Variants in DDX19A observed in about 807,000 individuals in gnomAD.
DDX19A encodes ATP-dependent RNA helicase DDX19A.
In DDX19A, 12 loss-of-function variants were observed where a neutral mutation model predicts 60.6. That is an observed-to-expected ratio of 0.20 (90% CI 0.13 to 0.32). The LOEUF is 0.32. Ranked by LOEUF, DDX19A falls within the 10% of genes least tolerant of loss-of-function variation. The probability of loss-of-function intolerance (pLI) is 1.00; values close to 1 mark genes in which losing one functional copy is unlikely to be tolerated. For synonymous variants in DDX19A, 206 were observed against 218.2 expected, an observed-to-expected ratio of 0.94 and a Z score of 0.49; for missense variants, 337 against 600.6, an observed-to-expected ratio of 0.56 and a Z score of 4.59.
intron 4 of DDX19A, among the ~76,000 whole-genome samples, chr16:70,357,384 T>G (rs1157913319): frequency 8.5e-5 from 8 of 94,022 alleles, no homozygotes; most frequent in East Asian, 3.5e-4. Flanking sequence ...TTTTTTTTTT[T>G]TTTTTTTTTT....
At chr16:70,349,133 A>G (rs181899924) in intron 1 of DDX19A, among the ~76,000 whole-genome samples, 2 of 152,226 alleles carry the variant, frequency 1.3e-5, no homozygotes, top group African/African-American at 4.8e-5. Context: ...AAAGATACAA[A>G]GCAAAATTAG....
rs1463271862 is a variant in DDX19A, at chr16:70,370,310, C to A, written c.1108C>A (p.Gln370Lys). ...GCTGAGTGGGGAGATGATGGTGGAG[C>A]AGAGGGCTGCGGTGATTGAGCGCTT... ...ALLSGEMMVE[Q>K]RAAVIERFRE... is the part of the protein sequence containing the mutation. Residue 370 changes from glutamine to lysine, a missense_variant, in exon 10 of 12, where the codon CAG (glutamine) becomes AAG (lysine). Around this residue, in one of 6 missense-constraint regions of DDX19A, gnomAD observed 117 missense variants for 274.3 expected, o/e 0.43. Transcript: ENST00000302243. 1 of 1,613,954 alleles carries A rather than the reference C, an allele frequency of 6.2e-7. No individual in the cohort carries two copies. Among genetic ancestry groups the A allele is most frequent in the African/African-American group, 1.3e-5 (1 of 74,906 alleles).
At chr16:70,369,926 C>T (rs547493270) in intron 9 of DDX19A, among the ~76,000 whole-genome samples, 122 of 152,110 alleles carry the variant, frequency 8.0e-4, no homozygotes, top group African/African-American at 2.9e-3. Context: ...CAAATATTTT[C>T]GTAAGATTAC....
chr16:70,352,287 T>TG (rs1194364633), intron 2 of DDX19A, among the ~76,000 whole-genome samples: 3 of 150,472 alleles, frequency 2.0e-5, no homozygotes, highest in African/African-American at 7.3e-5. Context: ...CCATGTCTTT[T>TG]TTTTTTTTTT....
intron 1 of DDX19A, 22 bp downstream of exon 1, chr16:70,347,070 G>T: frequency 6.2e-7 from 1 of 1,606,358 alleles, no homozygotes. Flanking sequence ...AGCTCCTGGC[G>T]AGGAGGACGT....
intron 9 of DDX19A, among the ~76,000 whole-genome samples, chr16:70,368,562 C>T (rs544338450): frequency 2.6e-5 from 4 of 151,542 alleles, no homozygotes; most frequent in South Asian, 2.1e-4. Flanking sequence ...TGAGCCACTG[C>T]GCCTGACGCC....
chr16:70,370,223 A>G lies in DDX19A; in HGVS notation c.1021A>G (p.Thr341Ala), dbSNP rs1964641187. Residue 341 changes from threonine (T) to alanine (A), a missense_variant and splice_region_variant, in exon 10 of 12, where the codon ACT becomes GCT. Thr to Ala is a moderately conservative substitution (Grantham distance 58). Transcript: ENST00000302243. ...TTCTCAATTGTTTTTTTTCTTCCAG[A>G]CTCGCAAAACAGCTAGTTGGCTGGC... ...TIAQAMIFCHTRKTASWLAAE... is the reference protein window; with the variant it reads ...TIAQAMIFCHARKTASWLAAE... 1 of 1,602,092 alleles carries G rather than the reference A, an allele frequency of 6.2e-7. No individual in the cohort carries two copies. Among genetic ancestry groups the G allele is most frequent in the Non-Finnish European group, 8.5e-7 (1 of 1,177,148 alleles).
intron 4 of DDX19A, 79 bp from the exon 5 acceptor site, chr16:70,361,339 A>G (rs530818423): frequency 9.3e-6 from 10 of 1,076,640 alleles, no homozygotes; most frequent in South Asian, 6.4e-5. Context: ...ATTCCTTTCT[A>G]TAGAAAAAGA....
At chr16:70,365,985 A>G in intron 7 of DDX19A, 100 bp from the exon 8 acceptor site, 2 of 1,567,358 alleles carry the variant, frequency 1.3e-6, no homozygotes, top group South Asian at 1.1e-5. Flanking sequence ...AAATCTGGAA[A>G]TAACTTGTTC....
At chr16:70,361,055 T>C (rs1276639211) in intron 4 of DDX19A, among the ~76,000 whole-genome samples, 1 of 152,190 alleles carries the variant, frequency 6.6e-6, no homozygotes, top group Non-Finnish European at 1.5e-5. Flanking sequence ...TTTTTAGATA[T>C]ATCTTTTATA....
At position 70,369,429 on chromosome 16, in the gene DDX19A, C is replaced by T. The variant is rs546520400; in HGVS notation, c.1021-794C>T. ...TCCTGACCTCGCGATCGGCCCACCT[C>T]GGCCTCCCGAAGTGCTGGGATTACA... is the stretch of plus-strand genomic sequence containing the variant. On this transcript the variant is annotated intron_variant, in intron 9 of 11. Coordinates refer to ENST00000302243, the MANE Select transcript of DDX19A (RefSeq NM_018332.5). Among the ~76,000 whole-genome samples the T allele has an allele frequency of 2.8e-4, 42 of 151,682 alleles. No individual in the cohort carries two copies. In the East Asian group the frequency reaches 3.7e-3, roughly 13 times the overall value.
intron 1 of DDX19A, among the ~76,000 whole-genome samples, chr16:70,350,282 T>A (rs950128995): frequency 6.6e-6 from 1 of 152,060 alleles, no homozygotes; most frequent in African/African-American, 2.4e-5. Context: ...AGAACTTGAG[T>A]TGGGAGATGA....
intron 7 of DDX19A, 134 bp downstream of exon 7, chr16:70,365,265 A>G: frequency 1.8e-6 from 1 of 550,006 alleles, no homozygotes; most frequent in Non-Finnish European, 3.3e-6. Context: ...CTCTATTTGA[A>G]TCTATTTGAA....
intron 5 of DDX19A, among the ~76,000 whole-genome samples, chr16:70,361,815 T>A (rs984729813): frequency 6.6e-6 from 1 of 152,016 alleles, no homozygotes; most frequent in Admixed American, 6.6e-5. Flanking sequence ...GGCGGGCGGA[T>A]CACCTGAGGT....
intron 2 of DDX19A, among the ~76,000 whole-genome samples, chr16:70,351,514 A>ATTAT (rs1446251053): frequency 4.7e-5 from 7 of 149,930 alleles, no homozygotes; most frequent in African/African-American, 1.5e-4. Context: ...GCCTAATTTT[A>ATTAT]TTATTTATTT....
At chr16:70,367,276 A>T (rs927427918) in intron 9 of DDX19A, among the ~76,000 whole-genome samples, 3 of 152,030 alleles carry the variant, frequency 2.0e-5, no homozygotes, top group Non-Finnish European at 4.4e-5. Context: ...AAAGTACAAA[A>T]AATTAGCGCG....
At chr16:70,367,021 C>T (rs1179436301) in intron 9 of DDX19A, among the ~76,000 whole-genome samples, 160 bp downstream of exon 9, 1 of 152,078 alleles carries the variant, frequency 6.6e-6, no homozygotes, top group Non-Finnish European at 1.5e-5. Flanking sequence ...ATGGTAGTAT[C>T]CCAAGGGATA....
chr16:70,365,654 C>T, intron 7 of DDX19A: 1 of 214,140 alleles, frequency 4.7e-6, no homozygotes, highest in South Asian at 6.9e-5. Flanking sequence ...GAAGTGCCAG[C>T]TTGTAGTCCC....
intron 4 of DDX19A, among the ~76,000 whole-genome samples, chr16:70,357,191 G>A (rs539925220): frequency 6.0e-5 from 9 of 149,452 alleles, no homozygotes; most frequent in African/African-American, 1.2e-4. Flanking sequence ...CCTGTGAGGC[G>A]GAGGTTGCAG....
Sources: gnomAD v4.1 joint callset for allele counts (sites outside exome capture counted in the v4.1 genomes callset) on GRCh38, gnomAD v4.1.1 for gene constraint, gnomAD v4.1.1 regional missense constraint, MANE v1.5 for transcripts, NCBI Gene and HGNC (gene_info 2026-07-23, HGNC 2026-07-21) for gene names.